The following GDAP1 variants were observed in gnomAD, a reference collection of about 807,000 sequenced individuals.
GDAP1 encodes the protein ganglioside induced differentiation associated protein 1.
In GDAP1, 34 loss-of-function variants were observed where a neutral mutation model predicts 40.1. That is an observed-to-expected ratio of 0.85 (90% confidence interval 0.64 to 1.13). GDAP1 has a LOEUF of 1.13. GDAP1 is among the 50% of genes most tolerant of loss of function. GDAP1 has a pLI of 0.00. For missense variants in GDAP1, 374 were observed against 433.7 expected (o/e 0.86, Z 1.22); for synonymous variants, 170 against 157.4 (o/e 1.08, Z -0.60).
Position 74,364,492 on chromosome 8 carries a change from T to C in GDAP1, c.*125T>C. 3.0e-6 allele frequency: 3 copies of C among 994,892 alleles called. No individual in the cohort carries two copies. In the South Asian group the frequency reaches 3.9e-5, roughly 13 times the overall value. 61.6% of individuals were successfully genotyped at this position (994,892 alleles called of 1,614,324 possible). On this transcript the variant is annotated 3_prime_UTR_variant, in exon 6 of 6. Transcript: ENST00000220822. The stretch of plus-strand genomic sequence containing the variant: ...ATTTTTTCCTAAAATTCAGAAGTCA[T>C]CTTTGTTACACAACACAGGGGTTCA...
At chr8:74,395,327 T>G (rs138763666) in intron 2 of GDAP1, among the ~76,000 whole-genome samples, 2,409 of 152,280 alleles carry the variant, frequency 0.016, 30 homozygotes, top group Middle Eastern at 0.044. Flanking sequence ...GACTTACATG[T>G]AAAGGTTCCA....
downstream of GDAP1, among the ~76,000 whole-genome samples, chr8:74,371,000 G>T (rs1290142893): frequency 1.3e-5 from 2 of 152,210 alleles, no homozygotes; most frequent in East Asian, 3.8e-4. Flanking sequence ...GAAAATGTTA[G>T]TTGGAGATTT....
downstream of GDAP1, among the ~76,000 whole-genome samples, chr8:74,368,261 C>T (rs1230678511): frequency 1.3e-5 from 2 of 152,082 alleles, no homozygotes; most frequent in African/African-American, 4.8e-5. Flanking sequence ...AGGCGTATGA[C>T]CAGCATGTAT....
intron 2 of GDAP1, among the ~76,000 whole-genome samples, chr8:74,429,485 C>T (rs1042313129): frequency 1.3e-5 from 2 of 152,202 alleles, no homozygotes; most frequent in South Asian, 4.1e-4. Flanking sequence ...TTTGTTTGCT[C>T]ATAGGTCTGG....
chr8:74,402,477 A>G (rs1319877106), intron 2 of GDAP1, among the ~76,000 whole-genome samples: 1 of 150,390 alleles, frequency 6.6e-6, no homozygotes. Context: ...TTTGACTAGG[A>G]AAGGGAACTC....
In GDAP1 at chr8:74,463,451, A is replaced by G. The variant is rs566454782; in HGVS notation, c.166-25227A>G. 1.3e-4 allele frequency among the ~76,000 whole-genome samples: 14 copies of G among 105,802 alleles called. No homozygotes were observed. In the East Asian group the frequency reaches 3.5e-3, roughly 26 times the overall value. The allele number at this position is 105,802 out of a possible 152,430, so 69.4% of individuals were successfully genotyped here. A position where few individuals can be genotyped will look rare whatever the true frequency, so the allele number is the denominator to read the frequency against. On this transcript the variant is annotated intron_variant, in intron 2 of 2. Transcript: ENST00000523640. ...ACTCCAGCTTGGGTGACAGAGCGAG[A>G]CCCTGTCTCAAAAAAAAAAACAAAA...
intron 2 of GDAP1, among the ~76,000 whole-genome samples, chr8:74,379,515 G>A (rs1326675696): frequency 1.3e-5 from 2 of 152,090 alleles, no homozygotes; most frequent in African/African-American, 2.4e-5. Flanking sequence ...AGCTGCTGTG[G>A]TATCTTTATT....
chr8:74,460,799 G>A (rs1347983409), intron 2 of GDAP1, among the ~76,000 whole-genome samples: 4 of 152,150 alleles, frequency 2.6e-5, no homozygotes, highest in Admixed American at 6.6e-5. Flanking sequence ...GAAAGAGAGA[G>A]AGAATGAGAG....
At chr8:74,457,325 G>A (rs1249172901) in intron 2 of GDAP1, among the ~76,000 whole-genome samples, 2 of 151,992 alleles carry the variant, frequency 1.3e-5, no homozygotes, top group Non-Finnish European at 2.9e-5. Context: ...AGCAATGAAT[G>A]CCCTTGTAAC....
At chr8:74,444,446 G>A (rs1222270509) in intron 2 of GDAP1, among the ~76,000 whole-genome samples, 1 of 152,152 alleles carries the variant, frequency 6.6e-6, no homozygotes, top group East Asian at 1.9e-4. Flanking sequence ...GAATTCTAGG[G>A]TAGTAAAAGT....
At chr8:74,371,774 A>ATT (rs200914612), downstream of GDAP1, among the ~76,000 whole-genome samples, 30 of 144,942 alleles carry the variant, frequency 2.1e-4, no homozygotes, top group South Asian at 2.2e-4. Context: ...AAAATTTTTT[A>ATT]TTTTTTTTTA....
chr8:74,384,617 A>G (rs1018825172), intron 2 of GDAP1, among the ~76,000 whole-genome samples: 6 of 152,230 alleles, frequency 3.9e-5, no homozygotes, highest in South Asian at 2.1e-4. Context: ...TCAAGTTTAC[A>G]GAGAAACCCC....
chr8:74,400,724 A>G (rs1241798282), intron 2 of GDAP1, among the ~76,000 whole-genome samples: 1 of 149,462 alleles, frequency 6.7e-6, no homozygotes, highest in Non-Finnish European at 1.5e-5. Flanking sequence ...TGCTTCCTTC[A>G]GGAGCTCTTT....
chr8:74,362,565 C>T (rs1170317671), intron 4 of GDAP1, among the ~76,000 whole-genome samples: 1 of 152,162 alleles, frequency 6.6e-6, no homozygotes, highest in Non-Finnish European at 1.5e-5. Flanking sequence ...CTCCTTCACT[C>T]GGACTTCTTA....
In GDAP1 at chr8:74,423,999, T is replaced by C. The variant is rs557934785; in HGVS notation, c.166-64679T>C. Among the ~76,000 whole-genome samples, 7 of 152,252 alleles carry C rather than the reference T, an allele frequency of 4.6e-5. No homozygotes were observed. In the East Asian group the frequency reaches 1.4e-3, roughly 29 times the overall value. On this transcript the variant is annotated intron_variant, in intron 2 of 2. Coordinates refer to the GDAP1 transcript ENST00000523640. ...TGTTTTCTTGGTTCCAGGTTTTATC[T>C]CCTTTTGAAATGTAAATACAACTGT...
At chr8:74,353,408 G>A (rs745552583) in intron 2 of GDAP1, among the ~76,000 whole-genome samples, 5 of 152,178 alleles carry the variant, frequency 3.3e-5, no homozygotes, top group Admixed American at 6.6e-5. Context: ...TAGATAGGAC[G>A]ACAGCAAGAG....
chr8:74,362,063 A>G lies in GDAP1; in HGVS notation c.579+85A>G. The G allele has an allele frequency of 6.4e-6, 5 of 783,610 alleles. No homozygotes were observed. In the South Asian group the frequency reaches 7.0e-5, roughly 11 times the overall value. 48.5% of individuals were successfully genotyped at this position (783,610 alleles called of 1,614,324 possible). ...TGTAAAGTACCACTATTTCTAGAAT[A>G]TCTTCTTTTAAATATTGCAGTTCAC... On this transcript the variant is annotated intron_variant, in intron 4 of 5. Transcript: ENST00000220822.
rs564988113 is a variant in GDAP1 at position 74,478,307 on chromosome 8, C to T, written c.166-10371C>T. The stretch of plus-strand genomic sequence containing the variant: ...AAGGTCCACTGGTGCACAGCTGTGC[C>T]GGCCAAGGGATGTTGGGGGTGGCCG... On this transcript the variant is annotated intron_variant, in intron 2 of 2. Transcript: ENST00000523640. 1.4e-4 allele frequency among the ~76,000 whole-genome samples: 22 copies of T among 152,134 alleles called. 1 individual carries two copies. The highest frequency in any genetic ancestry group is 6.8e-3 in the Middle Eastern group (2 of 294).
chr8:74,426,474 GT>G (rs1267577988), intron 2 of GDAP1, among the ~76,000 whole-genome samples: 4 of 152,162 alleles, frequency 2.6e-5, no homozygotes, highest in Non-Finnish European at 5.9e-5. Flanking sequence ...GAACAACTGT[GT>G]TTTCAATGCT....
Sources: gnomAD v4.1 joint callset for allele counts (sites outside exome capture counted in the v4.1 genomes callset) on GRCh38, gnomAD v4.1.1 for gene constraint, MANE v1.5 for transcripts, NCBI Gene and HGNC (gene_info 2026-07-23, HGNC 2026-07-21) for gene names.